Variants in TMEM132D observed in about 807,000 individuals in gnomAD.
The protein encoded by TMEM132D is mature OL transmembrane protein.
TMEM132D carries 21 observed loss-of-function variants against 62.3 expected under a neutral mutation model. The observed-to-expected ratio is 0.34, with a 90% CI of 0.24 to 0.49. The LOEUF is 0.49. Ranked by LOEUF, TMEM132D falls within the 20% of genes least tolerant of loss-of-function variation. The pLI is 0.99. For missense variants in TMEM132D, 1,346 were observed against 1,402.8 expected, an observed-to-expected ratio of 0.96 and a Z score of 0.65; for synonymous variants, 621 against 575.6, an observed-to-expected ratio of 1.08 and a Z score of -1.13.
intron 3 of TMEM132D, among the ~76,000 whole-genome samples, chr12:129,384,384 AAAC>A (rs952460155): frequency 3.3e-5 from 5 of 152,308 alleles, no homozygotes; most frequent in African/African-American, 1.2e-4. Context: ...ATAAATACAT[AAAC>A]AACATTAGGC....
chr12:129,888,477 C>T (rs755367234), intron 1 of TMEM132D, among the ~76,000 whole-genome samples: 1 of 152,148 alleles, frequency 6.6e-6, no homozygotes, highest in Non-Finnish European at 1.5e-5. Flanking sequence ...GCAGGAGGAT[C>T]ACCTGAGGTC....
intron 1 of TMEM132D, among the ~76,000 whole-genome samples, chr12:129,793,743 C>A: frequency 6.6e-6 from 1 of 152,246 alleles, no homozygotes; most frequent in Non-Finnish European, 1.5e-5. Flanking sequence ...TTCCAGTTTC[C>A]GCTTATCTGA....
chr12:129,085,016 C>T (rs1252862776), intron 5 of TMEM132D: 2 of 500,120 alleles, frequency 4.0e-6, no homozygotes, highest in African/African-American at 2.0e-5. Flanking sequence ...AGAAGACTGC[C>T]CTTAGGTGAG....
chr12:129,158,687 T>C (rs1877313338), intron 5 of TMEM132D, among the ~76,000 whole-genome samples: 1 of 152,052 alleles, frequency 6.6e-6, no homozygotes, highest in Non-Finnish European at 1.5e-5. Flanking sequence ...GGAGAAACAC[T>C]GGAAGAGCAC....
At chr12:129,519,955 A>G (rs1311455300) in intron 3 of TMEM132D, among the ~76,000 whole-genome samples, 2 of 152,208 alleles carry the variant, frequency 1.3e-5, no homozygotes, top group African/African-American at 4.8e-5. Flanking sequence ...AGGAGAAAAC[A>G]TAAATTTCCC....
At chr12:129,403,695 A>T (rs777147465) in intron 3 of TMEM132D, among the ~76,000 whole-genome samples, 5 of 152,184 alleles carry the variant, frequency 3.3e-5, no homozygotes, top group Non-Finnish European at 7.3e-5. Flanking sequence ...CCTGCTACAG[A>T]CATTCTGTTG....
intron 1 of TMEM132D, among the ~76,000 whole-genome samples, chr12:129,822,730 G>A (rs141164614): frequency 9.9e-4 from 151 of 152,300 alleles, no homozygotes; most frequent in Non-Finnish European, 1.8e-3. Flanking sequence ...AGTGCCGAGC[G>A]AAGGGGGAAG....
intron 1 of TMEM132D, among the ~76,000 whole-genome samples, chr12:129,799,589 G>C (rs1871693419): frequency 6.6e-6 from 1 of 152,062 alleles, no homozygotes; most frequent in Non-Finnish European, 1.5e-5. Context: ...GGCACAGATG[G>C]TGTTTTGTGT....
At chr12:129,869,206 G>C (rs1331633060) in intron 1 of TMEM132D, among the ~76,000 whole-genome samples, 2 of 151,932 alleles carry the variant, frequency 1.3e-5, no homozygotes, top group Admixed American at 6.6e-5. Flanking sequence ...GAATTTCTCA[G>C]CTTTGGTTTA....
intron 4 of TMEM132D, among the ~76,000 whole-genome samples, chr12:129,324,474 C>T (rs1231251997): frequency 6.6e-6 from 1 of 152,160 alleles, no homozygotes; most frequent in Non-Finnish European, 1.5e-5. Context: ...TTTATTTAGT[C>T]TTTTCATCCC....
At chr12:129,098,870 C>A (rs999221690) in intron 5 of TMEM132D, among the ~76,000 whole-genome samples, 1 of 152,144 alleles carries the variant, frequency 6.6e-6, no homozygotes, top group African/African-American at 2.4e-5. Context: ...TCTCTCTGAC[C>A]TTCCAACCAT....
chr12:129,540,018 C>T (rs979710790), intron 2 of TMEM132D, among the ~76,000 whole-genome samples: 2 of 152,134 alleles, frequency 1.3e-5, no homozygotes, highest in South Asian at 2.1e-4. Flanking sequence ...TCCTGGAATA[C>T]ATCTGAATCC....
chr12:129,334,430 C>A (rs955209516), intron 4 of TMEM132D, among the ~76,000 whole-genome samples: 2 of 149,244 alleles, frequency 1.3e-5, no homozygotes, highest in Non-Finnish European at 2.9e-5. Context: ...GCAACCACAT[C>A]CCCTGCATGA....
intron 2 of TMEM132D, among the ~76,000 whole-genome samples, chr12:129,570,891 G>A (rs954430524): frequency 2.0e-5 from 3 of 152,152 alleles, no homozygotes; most frequent in Admixed American, 6.5e-5. Flanking sequence ...TCCCTGAGAC[G>A]GGCTTAGTAA....
In TMEM132D at chr12:129,099,106, C is replaced by A. The variant is rs561780879; in HGVS notation, c.1444-14404G>T. Among the ~76,000 whole-genome samples, 20 of 152,314 alleles carry A rather than the reference C, an allele frequency of 1.3e-4. No individual in the cohort carries two copies. In the East Asian group the frequency reaches 3.9e-3, roughly 29 times the overall value. On this transcript the variant is annotated intron_variant, in intron 5 of 8. Coordinates refer to ENST00000422113, the MANE Select transcript of TMEM132D (RefSeq NM_133448.3). ...CACAAAGCATTTCCTGCTGTGCAGG[C>A]CCTACAGACTTTGCCCCAGGCCACT...
chr12:129,468,707 T>G (rs1239803955), intron 3 of TMEM132D, among the ~76,000 whole-genome samples: 7 of 152,242 alleles, frequency 4.6e-5, no homozygotes, highest in African/African-American at 1.4e-4. Flanking sequence ...AGTGGCCTCC[T>G]CTTTCTGTCT....
chr12:129,420,475 A>G (rs1350579489), intron 3 of TMEM132D, among the ~76,000 whole-genome samples: 1 of 152,112 alleles, frequency 6.6e-6, no homozygotes, highest in Non-Finnish European at 1.5e-5. Context: ...ACAGAGTATC[A>G]TCGAAGGCTG....
chr12:129,254,109 G>A (rs541456967), intron 4 of TMEM132D, among the ~76,000 whole-genome samples: 71 of 152,224 alleles, frequency 4.7e-4, no homozygotes, highest in African/African-American at 1.5e-3. Context: ...CTAAATACAC[G>A]TATCCTCTAG....
At chr12:129,854,629 C>T (rs1873659868) in intron 1 of TMEM132D, 1 of 152,218 alleles carries the variant, frequency 6.6e-6, no homozygotes, top group African/African-American at 2.4e-5. Context: ...CTTTTCTCCC[C>T]ACTGTCTGAC....
Sources: allele counts gnomAD v4.1 joint callset (sites outside exome capture counted in the v4.1 genomes callset), GRCh38; gene constraint gnomAD v4.1.1; transcripts MANE v1.5; gene names NCBI Gene and HGNC (gene_info 2026-07-23, HGNC 2026-07-21).